Variants in DGKD observed in about 807,000 individuals in gnomAD.
The protein encoded by DGKD is DAG kinase delta.
In DGKD, 68 loss-of-function variants were observed where a neutral mutation model predicts 154.4. The ratio of observed to expected loss-of-function variants is 0.44; its 90% CI spans 0.36 to 0.54. The LOEUF (loss-of-function observed/expected upper bound fraction) is 0.54, where lower values mean the gene tolerates loss of function less well. DGKD is among the 20% of genes least tolerant of loss of function. The pLI is 0.00. For missense variants in DGKD, 1,343 were observed against 1,593.6 expected (o/e 0.84, Z 2.68); for synonymous variants, 693 against 638.0 (o/e 1.09, Z -1.30).
intron 1 of DGKD, among the ~76,000 whole-genome samples, chr2:233,363,152 C>G (rs939575082): frequency 6.6e-6 from 1 of 152,044 alleles, no homozygotes; most frequent in Non-Finnish European, 1.5e-5. Flanking sequence ...CAGGAGGTAT[C>G]CAGAAGAAGG....
rs561579424 is a variant in DGKD, at chr2:233,401,788, C to T, written c.348+11305C>T. On this transcript the variant is annotated intron_variant, in intron 3 of 29. Transcript: ENST00000264057. ...TATAAAAATTAGACAGACATGGTGG[C>T]GGGCGCCTGTAATCCCAGCTACTCA... Among the ~76,000 whole-genome samples, 365 of 151,800 alleles carry T rather than the reference C, an allele frequency of 2.4e-3. 3 individuals are homozygous for T. The highest frequency in any genetic ancestry group is 7.7e-3 in the African/African-American group (319 of 41,366).
At chr2:233,399,973 G>A (rs994546152) in intron 3 of DGKD, among the ~76,000 whole-genome samples, 2 of 152,132 alleles carry the variant, frequency 1.3e-5, no homozygotes, top group Non-Finnish European at 2.9e-5. Flanking sequence ...AGTGTTGAAG[G>A]AACATACTGT....
intron 1 of DGKD, among the ~76,000 whole-genome samples, chr2:233,362,558 G>C (rs1326195107): frequency 6.6e-6 from 1 of 152,204 alleles, no homozygotes; most frequent in Non-Finnish European, 1.5e-5. Flanking sequence ...GGCTGAGGCA[G>C]GAGCATCGCT....
At position 233,390,405 on chromosome 2, in the gene DGKD, A is replaced by G. The variant is rs1005796317; in HGVS notation, c.270A>G (p.Ser90=). The change falls in exon 3 of 30, where the codon TCA becomes TCG. Residue 90 remains serine (S), a splice_region_variant and synonymous_variant. Transcript: ENST00000264057. ...RTLYYAKTAK[S]IIFDEVDLTD... ...TCCCTGTGTTTGTCTCTTTCTAGTC[A>G]ATCATATTTGATGAGGTGGATCTGA... The G allele has an allele frequency of 1.2e-6, 2 of 1,613,634 alleles. No homozygotes were observed. Among genetic ancestry groups the G allele is most frequent in the African/African-American group, 2.7e-5 (2 of 74,896 alleles).
chr2:233,362,327 TGA>T (rs1318097867), intron 1 of DGKD, among the ~76,000 whole-genome samples: 1 of 151,944 alleles, frequency 6.6e-6, no homozygotes, highest in East Asian at 1.9e-4. Context: ...AGAGGAGAAG[TGA>T]GAGAAAATTG....
Position 233,448,256 on chromosome 2 carries a change from T to A in DGKD, c.1515-20T>A. ...TGGAGCTGCCTCTCTAGAAGGGTCT[T>A]TCTGTTTTTCTCCCCACAGAGTGCT... is the stretch of plus-strand genomic sequence containing the variant. On this transcript the variant is annotated intron_variant, in intron 13 of 29. Coordinates refer to ENST00000264057, the MANE Select transcript of DGKD (RefSeq NM_152879.3). 2 of 1,613,952 alleles carry A rather than the reference T, an allele frequency of 1.2e-6. No individual in the cohort carries two copies. The highest frequency in any genetic ancestry group is 1.1e-5 in the South Asian group (1 of 91,036).
At chr2:233,369,758 C>G (rs1702218386) in intron 1 of DGKD, among the ~76,000 whole-genome samples, 1 of 152,198 alleles carries the variant, frequency 6.6e-6, no homozygotes, top group South Asian at 2.1e-4. Context: ...CGGGCTCTCC[C>G]CTCACCTTGA....
At chr2:233,437,665 C>T (rs1018132399) in intron 8 of DGKD, among the ~76,000 whole-genome samples, 186 bp downstream of exon 8, 1 of 152,224 alleles carries the variant, frequency 6.6e-6, no homozygotes, top group Admixed American at 6.5e-5. Flanking sequence ...TGCGGCATTG[C>T]CCTTAGATGG....
chr2:233,448,116 G>A lies in DGKD; in HGVS notation c.1449G>A (p.Ser483=), dbSNP rs574848343. The A allele has an allele frequency of 2.2e-5, 35 of 1,614,052 alleles. No homozygotes were observed. Among genetic ancestry groups the A allele is most frequent in the Admixed American group, 6.7e-5 (4 of 60,020 alleles). The change falls in exon 13 of 30, where the codon TCG becomes TCA. Residue 483 remains serine, a synonymous_variant. Transcript: ENST00000264057. ...AGCAGATTCTCTTCTATGAAGACTC[G>A]GTTGCAGCCCACCTTTCTAAAATCC... ...EVQQILFYED[S]VAAHLSKILT...
intron 26 of DGKD, among the ~76,000 whole-genome samples, chr2:233,463,443 G>C (rs376121385): frequency 8.5e-6 from 1 of 117,084 alleles, no homozygotes; most frequent in Non-Finnish European, 1.7e-5. Context: ...CTCACTCCAC[G>C]CATCTCCTCA....
At chr2:233,381,140 C>T (rs13415216) in intron 1 of DGKD, among the ~76,000 whole-genome samples, 2,289 of 152,294 alleles carry the variant, frequency 0.015, 57 homozygotes, top group African/African-American at 0.052. Context: ...TTCTGCAGTG[C>T]GGCAGTTGCC....
At chr2:233,468,644 C>A in intron 29 of DGKD, 91 bp downstream of exon 29, 1 of 1,564,020 alleles carries the variant, frequency 6.4e-7, no homozygotes, top group Non-Finnish European at 8.7e-7. Context: ...GGCCATGTCC[C>A]AGCATCACGA....
rs557653252 is a variant in DGKD at position 233,450,863 on chromosome 2, C to G, written c.2039-59C>G. ...ACCTGCTCGTGTCGCTAAGGACCCC[C>G]CAGGATTTCACAGTCTCTATTCCAC... On this transcript the variant is annotated intron_variant, in intron 16 of 29. Coordinates refer to ENST00000264057, the MANE Select transcript of DGKD (RefSeq NM_152879.3). 5.0e-5 allele frequency: 78 copies of G among 1,558,294 alleles called. No individual in the cohort carries two copies. In the Admixed American group the frequency reaches 1.3e-3, roughly 26 times the overall value.
At chr2:233,402,300 A>G (rs374721156) in intron 3 of DGKD, among the ~76,000 whole-genome samples, 1 of 152,140 alleles carries the variant, frequency 6.6e-6, no homozygotes, top group African/African-American at 2.4e-5. Flanking sequence ...AAAGCTTTCC[A>G]AAATCTTAGG....
intron 26 of DGKD, among the ~76,000 whole-genome samples, chr2:233,463,378 TCTC>T (rs1448323479): frequency 7.8e-6 from 1 of 128,854 alleles, no homozygotes; most frequent in African/African-American, 2.8e-5. Context: ...ACTCCACACA[TCTC>T]CTCACTCCAC....
At chr2:233,434,550 C>CT (rs750914258) in intron 4 of DGKD, 66 bp downstream of exon 4, 1 of 1,504,432 alleles carries the variant, frequency 6.6e-7, no homozygotes, top group Non-Finnish European at 9.2e-7. Context: ...TGTCTGCTGT[C>CT]TGAGTGTCTC....
At position 233,434,498 on chromosome 2, in the gene DGKD, A is replaced by T. The variant is rs1559542648; in HGVS notation, c.453+14A>T. On this transcript the variant is annotated intron_variant, in intron 4 of 29. Coordinates refer to ENST00000264057, the MANE Select transcript of DGKD (RefSeq NM_152879.3). ...GAGCACTTTGAGGTTAAAAAAGAAAATACCCTTCTCCAAATGCCTCCTGTT... is the reference window on the plus strand; with the variant it reads ...GAGCACTTTGAGGTTAAAAAAGAAATTACCCTTCTCCAAATGCCTCCTGTT... 6.2e-7 allele frequency: 1 copy of T among 1,611,184 alleles called. No homozygotes were observed. Among genetic ancestry groups the T allele is most frequent in the Admixed American group, 1.7e-5 (1 of 59,964 alleles).
At chr2:233,382,245 A>G (rs1481865963) in intron 1 of DGKD, among the ~76,000 whole-genome samples, 9 of 152,162 alleles carry the variant, frequency 5.9e-5, no homozygotes, top group Admixed American at 5.9e-4. Flanking sequence ...GAAAACAAAC[A>G]AACAAAGAGA....
At chr2:233,392,714 G>A (rs762947517) in intron 3 of DGKD, among the ~76,000 whole-genome samples, 1 of 152,140 alleles carries the variant, frequency 6.6e-6, no homozygotes, top group Non-Finnish European at 1.5e-5. Context: ...AGGGAGATAA[G>A]GCTGTAATAG....
Sources: allele counts gnomAD v4.1 joint callset (sites outside exome capture counted in the v4.1 genomes callset), GRCh38; gene constraint gnomAD v4.1.1; transcripts MANE v1.5; gene names NCBI Gene and HGNC (gene_info 2026-07-23, HGNC 2026-07-21).